Variants in NDUFS4 observed in about 807,000 individuals in gnomAD.
NDUFS4 encodes NADH:ubiquinone oxidoreductase subunit S4, also known as NADH dehydrogenase [ubiquinone] iron-sulfur protein 4, mitochondrial.
A neutral mutation model predicts 24.3 loss-of-function variants in NDUFS4; 28 were observed. The observed-to-expected ratio is 1.15, with a 90% confidence interval of 0.85 to 1.58. The LOEUF is 1.58. Among genes scored for constraint, NDUFS4 ranks in the 40% most tolerant of loss-of-function variants. NDUFS4 has a pLI of 0.00. For missense variants in NDUFS4, 223 were observed against 207.9 expected (o/e 1.07, Z -0.45); for synonymous variants, 93 against 69.7 (o/e 1.34, Z -1.67).
intron 1 of NDUFS4, among the ~76,000 whole-genome samples, chr5:53,581,617 G>A (rs938379697): frequency 6.6e-6 from 1 of 151,838 alleles, no homozygotes; most frequent in Admixed American, 6.6e-5. Context: ...TCTCTGCCCC[G>A]GCCTACCCCC....
chr5:53,571,853 CT>C (rs1198106958), intron 1 of NDUFS4, among the ~76,000 whole-genome samples: 2 of 152,228 alleles, frequency 1.3e-5, no homozygotes, highest in Non-Finnish European at 1.5e-5. Context: ...CTGTTTATGT[CT>C]TTTGCCCATT....
intron 1 of NDUFS4, among the ~76,000 whole-genome samples, chr5:53,580,314 T>C (rs1251449295): frequency 6.6e-6 from 1 of 152,252 alleles, no homozygotes; most frequent in Non-Finnish European, 1.5e-5. Flanking sequence ...TTTTTCTACT[T>C]AATGATCATT....
chr5:53,678,270 A>G (rs73754286), intron 4 of NDUFS4, among the ~76,000 whole-genome samples: 1 of 152,212 alleles, frequency 6.6e-6, no homozygotes, highest in Non-Finnish European at 1.5e-5. Flanking sequence ...TTCCAAAGGT[A>G]CTTCTCTGAT....
At chr5:53,588,862 A>C (rs1412185710) in intron 1 of NDUFS4, among the ~76,000 whole-genome samples, 1 of 152,004 alleles carries the variant, frequency 6.6e-6, no homozygotes, top group Non-Finnish European at 1.5e-5. Context: ...TTTTTTATAC[A>C]AATGTAATCT....
chr5:53,614,676 T>G (rs1489178017), intron 2 of NDUFS4, among the ~76,000 whole-genome samples: 1 of 151,984 alleles, frequency 6.6e-6, no homozygotes, highest in African/African-American at 2.4e-5. Flanking sequence ...AGTATGCTAG[T>G]GCTGTATAAC....
intron 4 of NDUFS4, among the ~76,000 whole-genome samples, chr5:53,674,852 T>C (rs1740404444): frequency 1.3e-5 from 2 of 152,100 alleles, no homozygotes; most frequent in Admixed American, 1.3e-4. Flanking sequence ...AATACGCAAG[T>C]GGAATAAAAG....
intron 2 of NDUFS4, among the ~76,000 whole-genome samples, chr5:53,642,787 A>C (rs1327464924): frequency 6.6e-6 from 1 of 152,138 alleles, no homozygotes; most frequent in Non-Finnish European, 1.5e-5. Context: ...ATTTATGTAG[A>C]CTTGTGAAAT....
At chr5:53,614,180 A>AAT (rs1750778527) in intron 2 of NDUFS4, among the ~76,000 whole-genome samples, 1 of 151,964 alleles carries the variant, frequency 6.6e-6, no homozygotes, top group African/African-American at 2.4e-5. Flanking sequence ...TGATCATTAA[A>AAT]ACAAGTCAGT....
At chr5:53,587,885 C>G (rs375956) in intron 1 of NDUFS4, among the ~76,000 whole-genome samples, 119,454 of 152,146 alleles carry the variant, frequency 0.79, 47,035 homozygotes, top group African/African-American at 0.84. Context: ...CAATACTTCA[C>G]TTTTTTAAGG....
chr5:53,641,569 C>T (rs1259799728), intron 2 of NDUFS4, among the ~76,000 whole-genome samples: 1 of 152,112 alleles, frequency 6.6e-6, no homozygotes, highest in East Asian at 1.9e-4. Flanking sequence ...AAAGTTGGTT[C>T]TAATGGCACA....
intron 2 of NDUFS4, among the ~76,000 whole-genome samples, chr5:53,637,720 C>G (rs535522167): frequency 1.3e-5 from 2 of 152,114 alleles, no homozygotes; most frequent in Non-Finnish European, 2.9e-5. Flanking sequence ...TTCATTCACC[C>G]TCATGTAATT....
chr5:53,560,885 A>C, intron 1 of NDUFS4, 125 bp downstream of exon 1: 1 of 1,548,324 alleles, frequency 6.5e-7, no homozygotes. Context: ...TTCTCGGGAG[A>C]AGTCGGGCGG....
chr5:53,610,791 A>G (rs1750670074), intron 2 of NDUFS4, among the ~76,000 whole-genome samples: 2 of 152,166 alleles, frequency 1.3e-5, no homozygotes, highest in African/African-American at 2.4e-5. Context: ...CTTGATTGCC[A>G]TCCAGTTTGA....
chr5:53,653,546 T>G (rs1752080022), intron 3 of NDUFS4, among the ~76,000 whole-genome samples: 1 of 152,148 alleles, frequency 6.6e-6, no homozygotes, highest in Admixed American at 6.5e-5. Flanking sequence ...TAAATGACTG[T>G]GCTTGCATTG....
chr5:53,609,257 C>CA (rs1391442243), intron 2 of NDUFS4, among the ~76,000 whole-genome samples: 1 of 152,084 alleles, frequency 6.6e-6, no homozygotes, highest in Non-Finnish European at 1.5e-5. Flanking sequence ...TAATAAGACT[C>CA]AAAAGTCAAA....
intron 2 of NDUFS4, among the ~76,000 whole-genome samples, chr5:53,637,816 GTA>G (rs1329614018): frequency 1.3e-5 from 2 of 151,976 alleles, no homozygotes; most frequent in African/African-American, 4.8e-5. Flanking sequence ...CAGTCCAATG[GTA>G]TAATCTGAAA....
intron 4 of NDUFS4, among the ~76,000 whole-genome samples, chr5:53,665,032 G>T (rs1752472200): frequency 6.6e-6 from 1 of 152,154 alleles, no homozygotes; most frequent in African/African-American, 2.4e-5. Flanking sequence ...CTGTTTGTTA[G>T]TTTTCCTTCT....
chr5:53,661,903 C>T (rs972094368), intron 4 of NDUFS4, among the ~76,000 whole-genome samples: 11 of 152,104 alleles, frequency 7.2e-5, no homozygotes, highest in Admixed American at 1.3e-4. Context: ...TGGGCTGAGA[C>T]GATGGGGTTT....
intron 2 of NDUFS4, among the ~76,000 whole-genome samples, chr5:53,624,954 TTTTG>T (rs750194664): frequency 1.7e-3 from 257 of 152,130 alleles, no homozygotes; most frequent in African/African-American, 4.9e-3. Flanking sequence ...GTTTGGTGTG[TTTTG>T]TTTGTTTGTT....
Sources: gnomAD v4.1 joint callset for allele counts (sites outside exome capture counted in the v4.1 genomes callset) on GRCh38, gnomAD v4.1.1 for gene constraint, MANE v1.5 for transcripts, NCBI Gene and HGNC (gene_info 2026-07-23, HGNC 2026-07-21) for gene names.